The following LPP variants were observed in gnomAD, a reference collection of about 807,000 sequenced individuals.
The protein encoded by LPP is LIM domain containing preferred translocation partner in lipoma, also known as lipoma-preferred partner.
A neutral mutation model predicts 60.4 loss-of-function variants in LPP; 38 were observed. The observed-to-expected ratio is 0.63, with a 90% CI of 0.49 to 0.83. The LOEUF is 0.83. Among genes scored for constraint, LPP ranks in the 40% least tolerant of loss-of-function variants. The pLI, the probability that LPP is intolerant of heterozygous loss-of-function variation, is 0.00. For missense variants in LPP, 902 were observed against 783.6 expected (o/e 1.15, Z -1.80); for synonymous variants, 328 against 290.8 (o/e 1.13, Z -1.30).
intron 2 of LPP, among the ~76,000 whole-genome samples, chr3:188,307,951 GTC>G (rs1487333477): frequency 5.3e-5 from 8 of 152,154 alleles, no homozygotes; most frequent in African/African-American, 1.9e-4. Context: ...GTGTGTGTGT[GTC>G]TGTGCGTGTG....
intron 8 of LPP, among the ~76,000 whole-genome samples, chr3:188,732,716 CAAAAA>C (rs1167795146): frequency 1.2e-4 from 9 of 74,318 alleles, no homozygotes; most frequent in Non-Finnish European, 1.7e-4. Context: ...AGACTCTTAT[CAAAAA>C]AAAAAAAAAA....
intron 9 of LPP, among the ~76,000 whole-genome samples, chr3:188,788,021 G>A (rs142290927): frequency 6.6e-6 from 1 of 152,306 alleles, no homozygotes; most frequent in East Asian, 1.9e-4. Flanking sequence ...CCTTTTCCAT[G>A]AATGGCATTA....
At chr3:188,538,446 G>C (rs1469942227) in intron 6 of LPP, among the ~76,000 whole-genome samples, 1 of 152,138 alleles carries the variant, frequency 6.6e-6, no homozygotes, top group Admixed American at 6.5e-5. Flanking sequence ...AAAGATGCTG[G>C]ACATATTTAT....
chr3:188,656,583 AT>A (rs549487105), intron 7 of LPP, among the ~76,000 whole-genome samples: 7 of 152,352 alleles, frequency 4.6e-5, no homozygotes, highest in African/African-American at 1.4e-4. Context: ...ATTGTAGCAA[AT>A]CACATCAGAC....
Position 188,509,870 on chromosome 3 carries a change from G to GTCGT in LPP, c.307-14794_307-14793insCGTT, listed in dbSNP as rs1560498059. 2.3e-4 allele frequency among the ~76,000 whole-genome samples: 10 copies of GTCGT among 44,156 alleles called. 1 individual carries two copies. The highest frequency in any genetic ancestry group is 1.8e-3 in the East Asian group (1 of 550). The allele number at this position is 44,156 out of a possible 152,430, so 29.0% of individuals were successfully genotyped here. On this transcript the variant is annotated intron_variant, in intron 5 of 11. Coordinates refer to ENST00000617246, the MANE Select transcript of LPP (RefSeq NM_001375462.1). The stretch of plus-strand genomic sequence containing the variant: ...ACCATGCCTGGCTAATTTTTTTTTT[G>GTCGT]TTGTTTTTTTTTTTTTTTTTGCATC...
At chr3:188,673,423 A>G (rs1475743473) in intron 7 of LPP, among the ~76,000 whole-genome samples, 6 of 152,244 alleles carry the variant, frequency 3.9e-5, no homozygotes, top group South Asian at 2.1e-4. Context: ...AAATATTTAT[A>G]AAACTCTTTG....
chr3:188,302,049 T>C (rs1750067414), intron 2 of LPP, among the ~76,000 whole-genome samples: 1 of 151,692 alleles, frequency 6.6e-6, no homozygotes, highest in Admixed American at 6.6e-5. Flanking sequence ...ATAATGAAGG[T>C]ATTTTCAAGG....
chr3:188,838,267 A>G (rs1297199690), intron 9 of LPP, among the ~76,000 whole-genome samples: 1 of 151,840 alleles, frequency 6.6e-6, no homozygotes, highest in African/African-American at 2.4e-5. Flanking sequence ...TGTGATCTAC[A>G]TTTTACGGAT....
chr3:188,288,016 G>A (rs1437710733), intron 2 of LPP, among the ~76,000 whole-genome samples: 2 of 152,136 alleles, frequency 1.3e-5, no homozygotes, highest in Admixed American at 6.5e-5. Context: ...CAGTAAAATA[G>A]CATTTAGTGC....
At chr3:188,311,982 G>A (rs1373186683) in intron 2 of LPP, among the ~76,000 whole-genome samples, 1 of 152,010 alleles carries the variant, frequency 6.6e-6, no homozygotes, top group East Asian at 1.9e-4. Context: ...ATTTGAATAA[G>A]TAACACAAAA....
At chr3:188,709,345 TTTTTATTTTA>T (rs531868646) in intron 8 of LPP, 2 of 152,006 alleles carry the variant, frequency 1.3e-5, no homozygotes, top group Admixed American at 6.6e-5. Context: ...GCAAATTTTA[TTTTTATTTTA>T]TTTTATTTTA....
At chr3:188,794,188 T>A (rs1199316453) in intron 9 of LPP, among the ~76,000 whole-genome samples, 3 of 152,244 alleles carry the variant, frequency 2.0e-5, no homozygotes, top group African/African-American at 7.2e-5. Flanking sequence ...CATTTTAGAA[T>A]CACCAGGAGA....
intron 7 of LPP, among the ~76,000 whole-genome samples, chr3:188,623,955 G>A (rs370661172): frequency 1.3e-5 from 2 of 152,140 alleles, no homozygotes; most frequent in Non-Finnish European, 2.9e-5. Context: ...GGCAAGGCGA[G>A]GGGTGTATTT....
At chr3:188,418,937 C>T (rs1440177451) in intron 4 of LPP, among the ~76,000 whole-genome samples, 1 of 151,968 alleles carries the variant, frequency 6.6e-6, no homozygotes, top group African/African-American at 2.4e-5. Context: ...TTATTTTTTA[C>T]CGTTCTATAG....
chr3:188,161,442 C>G (rs1247503387), intron 1 of LPP, among the ~76,000 whole-genome samples: 7 of 152,176 alleles, frequency 4.6e-5, no homozygotes, highest in Non-Finnish European at 1.5e-5. Flanking sequence ...GCTTATCCAT[C>G]TTGGCTGGGG....
chr3:188,167,409 A>G (rs1313139691), intron 1 of LPP, among the ~76,000 whole-genome samples: 2 of 152,148 alleles, frequency 1.3e-5, no homozygotes, highest in African/African-American at 4.8e-5. Context: ...GAGGCAGTAG[A>G]ATTGCTTGAA....
chr3:188,584,888 C>G (rs1448798689), intron 6 of LPP, among the ~76,000 whole-genome samples: 1 of 152,118 alleles, frequency 6.6e-6, no homozygotes, highest in African/African-American at 2.4e-5. Flanking sequence ...TTATCCCTCC[C>G]TGAAAAATTC....
chr3:188,829,853 G>C (rs556763742), intron 9 of LPP, among the ~76,000 whole-genome samples: 6 of 151,704 alleles, frequency 4.0e-5, no homozygotes, highest in Non-Finnish European at 8.8e-5. Context: ...TTGCCCTCCC[G>C]GACACATGGG....
At chr3:188,804,797 G>A (rs56797577) in intron 9 of LPP, among the ~76,000 whole-genome samples, 37,167 of 151,612 alleles carry the variant, frequency 0.25, 6,044 homozygotes, top group East Asian at 0.8. Context: ...AAAACATTGA[G>A]TCTTTTGCCA....
Sources: allele counts gnomAD v4.1 joint callset (sites outside exome capture counted in the v4.1 genomes callset), GRCh38; gene constraint gnomAD v4.1.1; transcripts MANE v1.5; gene names NCBI Gene and HGNC (gene_info 2026-07-23, HGNC 2026-07-21).